Variants in NEO1 observed in about 807,000 individuals in gnomAD.
The protein encoded by NEO1 is neogenin 1, also known as neogenin.
A neutral mutation model predicts 159.7 loss-of-function variants in NEO1; 63 were observed. The ratio of observed to expected loss-of-function variants is 0.39; its 90% CI spans 0.32 to 0.49. The LOEUF (loss-of-function observed/expected upper bound fraction) is 0.49. NEO1 is among the 20% of genes least tolerant of loss of function. The probability of loss-of-function intolerance (pLI) is 0.85; values close to 1 mark genes in which losing one functional copy is unlikely to be tolerated. For missense variants in NEO1, 1,615 were observed against 1,831.0 expected (o/e 0.88, Z 2.15); for synonymous variants, 633 against 662.0 (o/e 0.96, Z 0.67).
At chr15:73,178,889 A>G (rs528185563) in intron 7 of NEO1, among the ~76,000 whole-genome samples, 1 of 152,314 alleles carries the variant, frequency 6.6e-6, no homozygotes, top group South Asian at 2.1e-4. Context: ...CAAAATAGTC[A>G]ACATTCATAA....
chr15:73,214,129 T>G (rs570923827), intron 7 of NEO1, among the ~76,000 whole-genome samples: 7 of 152,276 alleles, frequency 4.6e-5, no homozygotes, highest in Non-Finnish European at 1.0e-4. Context: ...TCTTACTGTT[T>G]TGTTTAAATT....
intron 8 of NEO1, among the ~76,000 whole-genome samples, chr15:73,239,524 A>G (rs891503517): frequency 1.3e-5 from 2 of 152,200 alleles, no homozygotes; most frequent in Admixed American, 1.3e-4. Context: ...TGCGTATACA[A>G]TGGTGATCCC....
chr15:73,233,910 G>A (rs888268924), intron 7 of NEO1, among the ~76,000 whole-genome samples: 7 of 152,156 alleles, frequency 4.6e-5, no homozygotes, highest in Non-Finnish European at 7.3e-5. Context: ...TAGGTAGGGA[G>A]CATTATTATT....
chr15:73,211,003 A>G (rs1185321201), intron 7 of NEO1, among the ~76,000 whole-genome samples: 3 of 152,242 alleles, frequency 2.0e-5, no homozygotes, highest in East Asian at 3.8e-4. Context: ...ATAACATAAA[A>G]ATACATAAAC....
chr15:73,104,695 A>G (rs1313781338), intron 1 of NEO1, among the ~76,000 whole-genome samples: 1 of 152,182 alleles, frequency 6.6e-6, no homozygotes, highest in Non-Finnish European at 1.5e-5. Context: ...TGGGTAATTT[A>G]TGAAGAAAAG....
At chr15:73,153,391 C>G (rs1480786913) in intron 5 of NEO1, among the ~76,000 whole-genome samples, 1 of 152,190 alleles carries the variant, frequency 6.6e-6, no homozygotes, top group African/African-American at 2.4e-5. Context: ...GTTTAAAAAT[C>G]TAATTACAAA....
chr15:73,246,576 C>T (rs929449621), intron 9 of NEO1, among the ~76,000 whole-genome samples: 2 of 152,088 alleles, frequency 1.3e-5, no homozygotes, highest in African/African-American at 4.8e-5. Context: ...TGAGGCTGGC[C>T]TTGAGGCATT....
At chr15:73,070,330 A>G (rs2068470020) in intron 1 of NEO1, among the ~76,000 whole-genome samples, 1 of 152,246 alleles carries the variant, frequency 6.6e-6, no homozygotes, top group Admixed American at 6.5e-5. Flanking sequence ...GTGTTAGAAC[A>G]TCTGGAAGTA....
intron 3 of NEO1, among the ~76,000 whole-genome samples, chr15:73,124,176 C>T (rs1253858818): frequency 3.3e-5 from 5 of 152,150 alleles, no homozygotes; most frequent in Non-Finnish European, 7.4e-5. Context: ...GTTCCTCCTA[C>T]CTCAGCCTAC....
chr15:73,244,977 A>AAAAAAAAAAAAAAAAAAAAAAAAAAAAC (rs1555458859), intron 9 of NEO1, among the ~76,000 whole-genome samples: 1 of 111,960 alleles, frequency 8.9e-6, no homozygotes. Flanking sequence ...AAAAAAAAAA[A>AAAAAAAAAAAAAAAAAAAAAAAAAAAAC]AAAAAACAAC....
intron 7 of NEO1, among the ~76,000 whole-genome samples, chr15:73,189,819 CAG>C (rs554130089): frequency 2.0e-4 from 30 of 152,272 alleles, no homozygotes; most frequent in Admixed American, 1.4e-3. Flanking sequence ...CACTGGAAAA[CAG>C]AATTTCTGAG....
intron 7 of NEO1, among the ~76,000 whole-genome samples, chr15:73,214,110 ATTTTGTTTTCTTACTG>A (rs1465073311): frequency 6.6e-6 from 1 of 151,394 alleles, no homozygotes; most frequent in Non-Finnish European, 1.5e-5. Context: ...TTTTGATGGG[ATTTTGTTTTCTTACTG>A]TTTTGTTTAA....
Position 73,302,961 on chromosome 15 carries a change from T to G in NEO1, c.*265T>G. 38 of 390,748 alleles carry G rather than the reference T, an allele frequency of 9.7e-5. No homozygotes were observed. The highest frequency in any genetic ancestry group is 2.3e-4 in the East Asian group (5 of 21,456). 24.2% of individuals were successfully genotyped at this position (390,748 alleles called of 1,614,324 possible). On this transcript the variant is annotated 3_prime_UTR_variant, in exon 29 of 29. Transcript: ENST00000261908. ...CTGGGCACCATGGGCCAAAATTTTGTGTCCAGGGAAGAGGCGAGAAGTGCA... is the reference window on the plus strand; with the variant it reads ...CTGGGCACCATGGGCCAAAATTTTGGGTCCAGGGAAGAGGCGAGAAGTGCA...
intron 23 of NEO1, among the ~76,000 whole-genome samples, chr15:73,286,425 T>A (rs1381255272): frequency 6.6e-6 from 1 of 152,194 alleles, no homozygotes; most frequent in African/African-American, 2.4e-5. Flanking sequence ...GGTCCTCCTG[T>A]CTACCTAGCC....
At chr15:73,054,285 A>T (rs2151198523) in intron 1 of NEO1, among the ~76,000 whole-genome samples, 1 of 152,330 alleles carries the variant, frequency 6.6e-6, no homozygotes. Flanking sequence ...AGTTTTGCCG[A>T]TAATTTTGTA....
rs899282091 is a variant in NEO1 at position 73,116,702 on chromosome 15, A to G, written c.293A>G (p.Asp98Gly). ...KDGTFLNLVS[D>G]DRRQLLPDGS... ...GGAACTTTTTTAAACTTAGTATCAG[A>G]TGATCGACGCCAGCTTCTCCCGGAT... The change falls in exon 2 of 29, where the codon GAT becomes GGT. Residue 98 changes from aspartate to glycine, a missense_variant. By Grantham distance (94) the Asp-to-Gly change is moderately conservative (BLOSUM62 -1). This residue lies in a region of NEO1 where 1,018 missense variants were observed against 1,115.4 expected (regional missense o/e 0.91). Transcript: ENST00000261908. The G allele has an allele frequency of 1.9e-6, 3 of 1,613,918 alleles. No individual in the cohort carries two copies. Among genetic ancestry groups the G allele is most frequent in the Admixed American group, 1.7e-5 (1 of 59,986 alleles).
At chr15:73,146,669 C>T (rs1209717099) in intron 5 of NEO1, among the ~76,000 whole-genome samples, 2 of 152,088 alleles carry the variant, frequency 1.3e-5, no homozygotes, top group Non-Finnish European at 2.9e-5. Context: ...GGTAACTAAC[C>T]ACCTTCAGAA....
At chr15:73,264,105 T>G (rs1459109300) in intron 15 of NEO1, among the ~76,000 whole-genome samples, 1 of 152,114 alleles carries the variant, frequency 6.6e-6, no homozygotes. Context: ...GAGGATCGCT[T>G]GATCCCTAGA....
chr15:73,299,375 C>T (rs1596655368), intron 27 of NEO1, among the ~76,000 whole-genome samples: 1 of 151,380 alleles, frequency 6.6e-6, no homozygotes. Context: ...TTATGAAAAA[C>T]AACTATTTTC....
Sources: allele counts gnomAD v4.1 joint callset (sites outside exome capture counted in the v4.1 genomes callset), GRCh38; gene constraint gnomAD v4.1.1; regional missense constraint gnomAD v4.1.1; transcripts MANE v1.5; gene names NCBI Gene and HGNC (gene_info 2026-07-23, HGNC 2026-07-21).